The following BRIP1 variants were observed in gnomAD, a reference collection of about 807,000 sequenced individuals.
The protein encoded by BRIP1 is Fanconi anemia group J protein.
Under a neutral mutation model 119.7 loss-of-function variants are expected in BRIP1, and 88 were observed. The ratio of observed to expected loss-of-function variants is 0.74; its 90% CI spans 0.62 to 0.88. BRIP1 has a LOEUF of 0.88. Ranked by LOEUF, BRIP1 falls within the 40% of genes least tolerant of loss-of-function variation. The pLI is 0.00. For missense variants in BRIP1, 1,259 were observed against 1,455.4 expected (o/e 0.87, Z 2.20); for synonymous variants, 443 against 496.5 (o/e 0.89, Z 1.43).
rs576077209 is a variant in BRIP1, at chr17:61,825,255, A to C, written c.628-16498T>G. ...ACCCAAGATTGTGCCACTGCACTCC[A>C]GCCTGGGCGACAGAGCAAGACTCTG... On this transcript the variant is annotated intron_variant, in intron 6 of 19. Coordinates refer to ENST00000259008, the MANE Select transcript of BRIP1 (RefSeq NM_032043.3). The surrounding 1 kb of genome is among the most constrained non-coding windows in gnomAD (Gnocchi z 4.1). 1.3e-5 allele frequency among the ~76,000 whole-genome samples: 2 copies of C among 152,028 alleles called. No individual in the cohort carries two copies. Among genetic ancestry groups the C allele is most frequent in the Non-Finnish European group, 2.9e-5 (2 of 67,958 alleles).
Position 61,794,815 on chromosome 17 carries a change from G to C in BRIP1, c.1341-1086C>G, listed in dbSNP as rs2077874784. On this transcript the variant is annotated intron_variant, in intron 9 of 19. Transcript: ENST00000259008. This position sits in a 1 kb window ranked among gnomAD's most constrained non-coding sequence, Gnocchi z 4.3. ...TTAATGTCAAGAATGCTCTCCCTGA[G>C]GTGACATTTATTCTAATAACTGAAT... 6.6e-6 allele frequency among the ~76,000 whole-genome samples: 1 copy of C among 151,584 alleles called. No homozygotes were observed.
In BRIP1 at chr17:61,847,186, T is replaced by C. The variant is rs2078748128; in HGVS notation, c.542A>G (p.His181Arg). 3 of 1,613,584 alleles carry C rather than the reference T, an allele frequency of 1.9e-6. No individual in the cohort carries two copies. The East Asian group carries it at 6.7e-5, about 36-fold the overall frequency. The change falls in exon 6 of 20, where the codon CAC (histidine) becomes CGC (arginine). Residue 181 changes from histidine to arginine, a missense_variant. Physicochemically the swap from His to Arg is conservative, Grantham distance 29. This residue lies in a region of BRIP1 where 501 missense variants were observed against 544.0 expected (regional missense o/e 0.92). Coordinates refer to ENST00000259008, the MANE Select transcript of BRIP1 (RefSeq NM_032043.3). The part of the protein sequence containing the change: ...RKRHCFGTEV[H>R]NLDAKVDSGK... ...TGAATCAACTTTTGCATCCAAATTGTGTACTTCTGTTCCAAAGCAATGACG... is the reference window on the plus strand; with the variant it reads ...TGAATCAACTTTTGCATCCAAATTGCGTACTTCTGTTCCAAAGCAATGACG...
Position 61,770,130 on chromosome 17 carries a change from GCAGCTCCCTGC to G in BRIP1, c.2097+6260_2097+6270del, listed in dbSNP as rs986991535. 7.9e-5 allele frequency among the ~76,000 whole-genome samples: 12 copies of G among 152,194 alleles called. No individual in the cohort carries two copies. The highest frequency in any genetic ancestry group is 8.8e-5 in the Non-Finnish European group (6 of 68,036). On this transcript the variant is annotated intron_variant, in intron 14 of 19. Transcript: ENST00000259008. This position sits in a 1 kb window ranked among gnomAD's most constrained non-coding sequence, Gnocchi z 4.7. ...GAGGGAAGGGATCATTTCCTAAACT[GCAGCTCCCTGC>G]CATCTAATCTTATGATATGAATGAA...
intron 6 of BRIP1, among the ~76,000 whole-genome samples, chr17:61,836,108 CTTTT>C (rs71153409): frequency 1.8e-4 from 14 of 79,062 alleles, no homozygotes; most frequent in Admixed American, 4.5e-4. Context: ...TGTTATTACT[CTTTT>C]TTTTTTTTTT....
In BRIP1 at chr17:61,742,972, T is replaced by A. The variant is rs1368235241; in HGVS notation, c.2379+41A>T. 1.1e-5 allele frequency: 17 copies of A among 1,609,244 alleles called. No individual in the cohort carries two copies. In the East Asian group the frequency reaches 3.8e-4, roughly 36 times the overall value. ...TGCAATTAACTTTATACAAAACCAA[T>A]GACTCCTGTAATAATAAAACTTAAG... On this transcript the variant is annotated intron_variant, in intron 16 of 19. Transcript: ENST00000259008. The surrounding 1 kb of genome is among the most constrained non-coding windows in gnomAD (Gnocchi z 4.7).
chr17:61,770,881 G>A lies in BRIP1; in HGVS notation c.2097+5520C>T, dbSNP rs957263557. ...AGAAATAGAGGGGGAAAAGGCACCAGATATACAGAAAACAAACAGCAAAGT... is the reference window on the plus strand; with the variant it reads ...AGAAATAGAGGGGGAAAAGGCACCAAATATACAGAAAACAAACAGCAAAGT... On this transcript the variant is annotated intron_variant, in intron 14 of 19. Transcript: ENST00000259008. The surrounding 1 kb of genome is among the most constrained non-coding windows in gnomAD (Gnocchi z 4.7). Among the ~76,000 whole-genome samples the A allele has an allele frequency of 6.4e-4, 98 of 152,124 alleles. 1 individual carries two copies. Among genetic ancestry groups the A allele is most frequent in the African/African-American group, 2.3e-3 (97 of 41,424 alleles).
At chr17:61,836,178 C>A (rs1345203640) in intron 6 of BRIP1, among the ~76,000 whole-genome samples, 1 of 142,404 alleles carries the variant, frequency 7.0e-6, no homozygotes, top group Non-Finnish European at 1.5e-5. Flanking sequence ...GTGGCATGAT[C>A]ACAGCTCACT....
At position 61,803,924 on chromosome 17, in the gene BRIP1, T is replaced by A. The variant is rs1336136229; in HGVS notation, c.919-2450A>T. Among the ~76,000 whole-genome samples the A allele has an allele frequency of 6.6e-6, 1 of 152,178 alleles. No homozygotes were observed. Among genetic ancestry groups the A allele is most frequent in the Non-Finnish European group, 1.5e-5 (1 of 68,018 alleles). On this transcript the variant is annotated intron_variant, in intron 7 of 19. Transcript: ENST00000259008. The surrounding 1 kb of genome is among the most constrained non-coding windows in gnomAD (Gnocchi z 4.3). Reference sequence around the variant, plus strand: ...TGTTAAATAAATTATGGTAAATTAATACAAAAACTTTAGCCCTTAAAAATG... The same window carrying A: ...TGTTAAATAAATTATGGTAAATTAAAACAAAAACTTTAGCCCTTAAAAATG...
chr17:61,680,480 CTT>C lies in BRIP1; in HGVS notation c.*2814_*2815del, dbSNP rs768910110. ...AGTTTACCAATTCTAAAGGTAATTT[CTT>C]TTTTTTTTTTTTTTTGAGACGGAGT... On this transcript the variant is annotated 3_prime_UTR_variant, in exon 20 of 20. Coordinates refer to ENST00000259008, the MANE Select transcript of BRIP1 (RefSeq NM_032043.3). 4.3e-4 allele frequency among the ~76,000 whole-genome samples: 53 copies of C among 124,060 alleles called. No individual in the cohort carries two copies. The highest frequency in any genetic ancestry group is 1.5e-3 in the African/African-American group (49 of 31,736). The allele number at this position is 124,060 out of a possible 152,430, so 81.4% of individuals were successfully genotyped here.
At chr17:61,782,605 T>C (rs572096471) in intron 11 of BRIP1, among the ~76,000 whole-genome samples, 2 of 152,242 alleles carry the variant, frequency 1.3e-5, no homozygotes, top group South Asian at 2.1e-4. Flanking sequence ...TTGTAAAGTA[T>C]ATATCTCTTA....
At position 61,739,880 on chromosome 17, in the gene BRIP1, G is replaced by C. The variant is rs1334521730; in HGVS notation, c.2379+3133C>G. Among the ~76,000 whole-genome samples, 1 of 152,096 alleles carries C rather than the reference G, an allele frequency of 6.6e-6. No individual in the cohort carries two copies. The highest frequency in any genetic ancestry group is 1.5e-5 in the Non-Finnish European group (1 of 68,018). On this transcript the variant is annotated intron_variant, in intron 16 of 19. Coordinates refer to ENST00000259008, the MANE Select transcript of BRIP1 (RefSeq NM_032043.3). This position sits in a 1 kb window ranked among gnomAD's most constrained non-coding sequence, Gnocchi z 6.0. ...AACTTAGGCTCAAATTATTACTATAGTTTTTCAAATATATTGTTTAGGAAA... is the reference window on the plus strand; with the variant it reads ...AACTTAGGCTCAAATTATTACTATACTTTTTCAAATATATTGTTTAGGAAA...
intron 16 of BRIP1, among the ~76,000 whole-genome samples, chr17:61,737,021 G>A (rs187147857): frequency 4.9e-4 from 75 of 151,966 alleles, no homozygotes; most frequent in Admixed American, 2.9e-3. Context: ...TAAAAAGGGA[G>A]GAACAGAGAT....
At chr17:61,765,411 ATATATATATATATTTTTTTTTTTTTTTTT>A (rs2077351833) in intron 14 of BRIP1, among the ~76,000 whole-genome samples, 1 of 14,236 alleles carries the variant, frequency 7.0e-5, no homozygotes, top group African/African-American at 3.4e-4. Context: ...ATATATATAT[ATATATATATATATTTTTTTTTTTTTTTTT>A]TTTTTTTTTT....
rs745538760 is a variant in BRIP1 at position 61,756,063 on chromosome 17, C to G, written c.2098-11472G>C. Among the ~76,000 whole-genome samples, 5 of 152,068 alleles carry G rather than the reference C, an allele frequency of 3.3e-5. No individual in the cohort carries two copies. The highest frequency in any genetic ancestry group is 5.9e-5 in the Non-Finnish European group (4 of 68,006). On this transcript the variant is annotated intron_variant, in intron 14 of 19. Transcript: ENST00000259008. The surrounding 1 kb of genome is among the most constrained non-coding windows in gnomAD (Gnocchi z 4.3). ...TTAAGGATTACACAGGGGCTACATG[C>G]AAATTTGGAGTACAATTCTATAGCA...
chr17:61,853,687 T>C lies in BRIP1; in HGVS notation c.379+3371A>G, dbSNP rs2078855190. ...TATCCAGGTGCTGAACAACTGGATA[T>C]CCACATGCAAAAAAATGAACTTGAA... On this transcript the variant is annotated intron_variant, in intron 4 of 19. Transcript: ENST00000259008. This position sits in a 1 kb window ranked among gnomAD's most constrained non-coding sequence, Gnocchi z 4.3. Among the ~76,000 whole-genome samples the C allele has an allele frequency of 6.6e-6, 1 of 152,108 alleles. No individual in the cohort carries two copies.
In BRIP1 at chr17:61,780,827, A is replaced by T. The variant is rs2145089397; in HGVS notation, c.1794+13T>A. 1.2e-6 allele frequency: 2 copies of T among 1,613,334 alleles called. No homozygotes were observed. Among genetic ancestry groups the T allele is most frequent in the Non-Finnish European group, 1.7e-6 (2 of 1,179,242 alleles). ...GCAAGAAGACAAAATTTCCATTTAC[A>T]TGATGAGCTTACCACAGCTGGATTT... On this transcript the variant is annotated intron_variant, in intron 12 of 19. Coordinates refer to ENST00000259008, the MANE Select transcript of BRIP1 (RefSeq NM_032043.3). The surrounding 1 kb of genome is among the most constrained non-coding windows in gnomAD (Gnocchi z 5.4).
chr17:61,826,216 G>A (rs917174548), intron 6 of BRIP1, among the ~76,000 whole-genome samples: 7 of 152,096 alleles, frequency 4.6e-5, no homozygotes, highest in African/African-American at 1.7e-4. Flanking sequence ...GATTGAAACT[G>A]GACCCCTTCC....
chr17:61,792,631 T>TA (rs1197700372), intron 10 of BRIP1, among the ~76,000 whole-genome samples: 5 of 152,036 alleles, frequency 3.3e-5, no homozygotes, highest in Admixed American at 6.6e-5. Flanking sequence ...ATGGAGTTAG[T>TA]AAAAAAAATC....
At chr17:61,707,344 G>A (rs913928217) in intron 17 of BRIP1, among the ~76,000 whole-genome samples, 19 of 24,654 alleles carry the variant, frequency 7.7e-4, no homozygotes, top group African/African-American at 3.3e-3. Context: ...CTTTATCCCC[G>A]GTACTTGGAA....
Sources: gnomAD v4.1 joint callset for allele counts (sites outside exome capture counted in the v4.1 genomes callset) on GRCh38, gnomAD v4.1.1 for gene constraint, gnomAD v4.1.1 regional missense constraint, Gnocchi (gnomAD v3.1) non-coding constraint, MANE v1.5 for transcripts, NCBI Gene and HGNC (gene_info 2026-07-23, HGNC 2026-07-21) for gene names.